The following AHRR variants were observed in gnomAD, a reference collection of about 807,000 sequenced individuals.
AHRR encodes ahR repressor.
AHRR carries 28 observed loss-of-function variants against 44.0 expected under a neutral mutation model. That is an observed-to-expected ratio of 0.64 (90% CI 0.47 to 0.87). The LOEUF (loss-of-function observed/expected upper bound fraction) is 0.87. AHRR is among the 40% of genes least tolerant of loss of function. AHRR has a pLI of 0.00. For synonymous variants in AHRR, 434 were observed against 407.0 expected (o/e 1.07, Z -0.80); for missense variants, 990 against 953.9 (o/e 1.04, Z -0.50).
chr5:412,569 A>G (rs1735506750), intron 4 of AHRR, among the ~76,000 whole-genome samples: 1 of 152,208 alleles, frequency 6.6e-6, no homozygotes, highest in Admixed American at 6.5e-5. Flanking sequence ...GCATATTAAA[A>G]AGTCATGATC....
Position 434,974 on chromosome 5 carries a change from G to T in AHRR, c.*140G>T. 8.1e-7 allele frequency: 1 copy of T among 1,231,838 alleles called. No individual in the cohort carries two copies. Among genetic ancestry groups the T allele is most frequent in the Non-Finnish European group, 1.1e-6 (1 of 912,930 alleles). The allele number at this position is 1,231,838 out of a possible 1,614,324, so 76.3% of individuals were successfully genotyped here. A position where few individuals can be genotyped will look rare whatever the true frequency, so the allele number is the denominator to read the frequency against. On this transcript the variant is annotated 3_prime_UTR_variant, in exon 11 of 11. Transcript: ENST00000684583. ...AGCTGTGCATGCGCAGTCTGCTAGT[G>T]TGTGTGTGCAGCATACGCAGGAGCC...
At chr5:331,728 G>C (rs1741919619) in intron 1 of AHRR, among the ~76,000 whole-genome samples, 1 of 152,190 alleles carries the variant, frequency 6.6e-6, no homozygotes, top group African/African-American at 2.4e-5. Flanking sequence ...TCTTCCTCCT[G>C]TCAGATCAGC....
intron 3 of AHRR, among the ~76,000 whole-genome samples, chr5:372,833 C>T (rs1743625344): frequency 6.6e-6 from 1 of 152,176 alleles, no homozygotes; most frequent in South Asian, 2.1e-4. Context: ...AGTCACAGGC[C>T]CAGGTGCTCG....
chr5:345,916 C>A (rs1318456208), intron 2 of AHRR, among the ~76,000 whole-genome samples: 1 of 152,120 alleles, frequency 6.6e-6, no homozygotes, highest in Admixed American at 6.5e-5. Flanking sequence ...GATCCCATGT[C>A]CCGCAGGGAG....
At chr5:433,327 T>C (rs1312536086) in intron 10 of AHRR, among the ~76,000 whole-genome samples, 1 of 151,942 alleles carries the variant, frequency 6.6e-6, no homozygotes, top group Non-Finnish European at 1.5e-5. Flanking sequence ...GCCACCCAGG[T>C]GGGCCTCCTC....
intron 5 of AHRR, among the ~76,000 whole-genome samples, chr5:420,138 C>T (rs1482967764): frequency 6.6e-6 from 1 of 152,240 alleles, no homozygotes; most frequent in African/African-American, 2.4e-5. Flanking sequence ...CGTGCAGTTC[C>T]TGGAGGAGAA....
intron 1 of AHRR, among the ~76,000 whole-genome samples, chr5:340,703 T>TTTATTTTA (rs1742316846): frequency 1.1e-5 from 1 of 88,140 alleles, no homozygotes; most frequent in African/African-American, 4.5e-5. Context: ...TTTTTTTTTT[T>TTTATTTTA]TTTTTTTTTT....
rs1280795908 is a variant in AHRR at position 383,221 on chromosome 5, G to C, written c.351+6505G>C. Among the ~76,000 whole-genome samples, 1 of 152,182 alleles carries C rather than the reference G, an allele frequency of 6.6e-6. No homozygotes were observed. Among genetic ancestry groups the C allele is most frequent in the Non-Finnish European group, 1.5e-5 (1 of 68,032 alleles). ...TGTTCACTGCACTGGGAAAATAGGG[G>C]TATTCCACTGTCATTGTGTGAGTTG... On this transcript the variant is annotated intron_variant, in intron 4 of 10. Transcript: ENST00000684583. This position sits in a 1 kb window ranked among gnomAD's most constrained non-coding sequence, Gnocchi z 4.0.
chr5:404,805 G>A lies in AHRR; in HGVS notation c.352-8539G>A, dbSNP rs1370214516. 2.0e-5 allele frequency among the ~76,000 whole-genome samples: 3 copies of A among 152,128 alleles called. No individual in the cohort carries two copies. Among genetic ancestry groups the A allele is most frequent in the African/African-American group, 7.2e-5 (3 of 41,416 alleles). ...TTTTTAGGTGAAAATCGGAGGTGGC[G>A]CAGGACATGGTGAGATGATTATCCA... On this transcript the variant is annotated intron_variant, in intron 4 of 10. Coordinates refer to ENST00000684583, the MANE Select transcript of AHRR (RefSeq NM_001377236.1). This position sits in a 1 kb window ranked among gnomAD's most constrained non-coding sequence, Gnocchi z 4.1.
In AHRR at chr5:424,100, C is replaced by CG. The variant is rs1356905382; in HGVS notation, c.708+128dup. ...AAACCACATGTCCCTGGTGGAGGGA[C>CG]GGGGGCCGGTGCTGAGCTCTGTGTA... On this transcript the variant is annotated intron_variant, in intron 7 of 10. Transcript: ENST00000684583. 4 of 1,308,048 alleles carry CG rather than the reference C, an allele frequency of 3.1e-6. No homozygotes were observed. In the East Asian group the frequency reaches 8.3e-5, roughly 27 times the overall value. 81.0% of individuals were successfully genotyped at this position (1,308,048 alleles called of 1,614,324 possible).
intron 4 of AHRR, among the ~76,000 whole-genome samples, chr5:378,971 A>T (rs940343251): frequency 2.0e-5 from 3 of 152,196 alleles, no homozygotes; most frequent in African/African-American, 7.2e-5. Flanking sequence ...ATTCAGTGGG[A>T]TGTGACTGCC....
chr5:340,688 A>ATTTTTTTTTTTTT (rs539789608), intron 1 of AHRR, among the ~76,000 whole-genome samples: 2 of 12,926 alleles, frequency 1.5e-4, no homozygotes, highest in Non-Finnish European at 2.5e-4. Context: ...ATATATATAT[A>ATTTTTTTTTTTTT]TTTTTTTTTT....
intron 7 of AHRR, among the ~76,000 whole-genome samples, chr5:425,601 G>A (rs780918745): frequency 6.6e-6 from 1 of 152,148 alleles, no homozygotes; most frequent in Non-Finnish European, 1.5e-5. Flanking sequence ...TTTTAAAATT[G>A]TATAACCAAT....
chr5:337,257 C>G lies in AHRR; in HGVS notation c.-10-6636C>G, dbSNP rs958945807. On this transcript the variant is annotated intron_variant, in intron 1 of 10. Transcript: ENST00000684583. This position sits in a 1 kb window ranked among gnomAD's most constrained non-coding sequence, Gnocchi z 4.1. The stretch of plus-strand genomic sequence containing the variant: ...CCAACCCCAGCCCACTTAGACTCCA[C>G]TGTCCTCCCCACTTTATAGAGAAGC... Among the ~76,000 whole-genome samples the G allele has an allele frequency of 6.6e-6, 1 of 151,292 alleles. No individual in the cohort carries two copies. Among genetic ancestry groups the G allele is most frequent in the Non-Finnish European group, 1.5e-5 (1 of 68,030 alleles).
chr5:425,947 C>T (rs1300388028), intron 7 of AHRR, among the ~76,000 whole-genome samples: 3 of 152,204 alleles, frequency 2.0e-5, no homozygotes, highest in Non-Finnish European at 2.9e-5. Flanking sequence ...ATGGAAGCTC[C>T]CTCATGCCAC....
intron 8 of AHRR, among the ~76,000 whole-genome samples, chr5:431,047 G>A (rs1473571412): frequency 6.6e-6 from 1 of 152,190 alleles, no homozygotes; most frequent in Non-Finnish European, 1.5e-5. Flanking sequence ...TCCGCTTACC[G>A]TCACCGTGGA....
chr5:343,536 G>A (rs1742439001), intron 1 of AHRR: 3 of 301,280 alleles, frequency 1.0e-5, no homozygotes, highest in Non-Finnish European at 1.8e-5. Context: ...GGCCTTGGCT[G>A]CGCCCCGCCC....
chr5:368,505 T>TA (rs1433318524), intron 3 of AHRR, among the ~76,000 whole-genome samples: 1 of 152,260 alleles, frequency 6.6e-6, no homozygotes, highest in Non-Finnish European at 1.5e-5. Flanking sequence ...TTTTCTTTGA[T>TA]ACGTTGAAAT....
intron 2 of AHRR, among the ~76,000 whole-genome samples, chr5:344,453 GGT>G (rs1453408937): frequency 5.6e-4 from 14 of 24,912 alleles, no homozygotes; most frequent in South Asian, 1.7e-3. Flanking sequence ...CTGTGTGTGG[GGT>G]GTGTGTGTGT....
Sources: gnomAD v4.1 joint callset for allele counts (sites outside exome capture counted in the v4.1 genomes callset) on GRCh38, gnomAD v4.1.1 for gene constraint, Gnocchi (gnomAD v3.1) non-coding constraint, MANE v1.5 for transcripts, NCBI Gene and HGNC (gene_info 2026-07-23, HGNC 2026-07-21) for gene names.